Variants in RNPC3 observed in about 807,000 individuals in gnomAD.
RNPC3 encodes RNA binding region (RNP1, RRM) containing 3.
A neutral mutation model predicts 67.5 loss-of-function variants in RNPC3; 48 were observed. The observed-to-expected ratio is 0.71, with a 90% CI of 0.56 to 0.90. The LOEUF is 0.90. RNPC3 is among the 40% of genes least tolerant of loss of function. RNPC3 has a pLI of 0.00. For synonymous variants in RNPC3, 239 were observed against 210.3 expected (o/e 1.14, Z -1.18); for missense variants, 637 against 626.1 (o/e 1.02, Z -0.19).
chr1:103,532,608 T>C (rs750981730), intron 2 of RNPC3, among the ~76,000 whole-genome samples: 14 of 151,996 alleles, frequency 9.2e-5, no homozygotes, highest in Non-Finnish European at 1.5e-4. Context: ...GGACAAGAGC[T>C]CTGGAGCATT....
At chr1:103,541,525 T>C (rs1367245243) in intron 8 of RNPC3, 50 bp downstream of exon 8, 12 of 1,435,554 alleles carry the variant, frequency 8.4e-6, no homozygotes, top group Non-Finnish European at 1.1e-5. Flanking sequence ...GTACTTTGTT[T>C]ACTTGCTTAA....
At chr1:103,532,642 G>A (rs1421520153) in intron 2 of RNPC3, among the ~76,000 whole-genome samples, 1 of 152,034 alleles carries the variant, frequency 6.6e-6, no homozygotes, top group Non-Finnish European at 1.5e-5. Context: ...CGTGAGAGAA[G>A]GCACAAGTCA....
intron 7 of RNPC3, among the ~76,000 whole-genome samples, chr1:103,539,443 T>C (rs1320227264): frequency 6.6e-6 from 1 of 152,246 alleles, no homozygotes; most frequent in African/African-American, 2.4e-5. Flanking sequence ...AAACAGGCAG[T>C]GCCTGATAGA....
intron 7 of RNPC3, among the ~76,000 whole-genome samples, chr1:103,541,007 T>C (rs1234355280): frequency 1.3e-5 from 2 of 152,154 alleles, no homozygotes; most frequent in African/African-American, 2.4e-5. Context: ...ATTATATCGA[T>C]TTTATTATTG....
intron 9 of RNPC3, among the ~76,000 whole-genome samples, chr1:103,544,652 G>C (rs1367416521): frequency 6.6e-6 from 1 of 151,788 alleles, no homozygotes; most frequent in African/African-American, 2.4e-5. Context: ...TGGTGAGTGA[G>C]AATGTAGTGC....
chr1:103,527,683 A>T lies in RNPC3; in HGVS notation c.193-12A>T. ...TATATTGGAAGTAATTTGTACCTTA[A>T]CTCTGTTTCAGAAACATACAGCTTT... On this transcript the variant is annotated splice_polypyrimidine_tract_variant and intron_variant, in intron 1 of 14. Transcript: ENST00000423855. The T allele has an allele frequency of 6.5e-7, 1 of 1,542,992 alleles. No homozygotes were observed. The highest frequency in any genetic ancestry group is 8.8e-7 in the Non-Finnish European group (1 of 1,140,080).
At chr1:103,550,857 A>C in intron 12 of RNPC3, 84 bp from the exon 13 acceptor site, 1 of 1,387,148 alleles carries the variant, frequency 7.2e-7, no homozygotes, top group South Asian at 1.2e-5. Context: ...TTTATTTGAA[A>C]TAGCAAAATG....
chr1:103,536,467 T>C (rs1377826208), intron 6 of RNPC3, among the ~76,000 whole-genome samples: 2 of 151,972 alleles, frequency 1.3e-5, no homozygotes, highest in Non-Finnish European at 1.5e-5. Flanking sequence ...AAGGTAGTTA[T>C]ATTTAACTAA....
chr1:103,528,957 AG>A (rs1359179693), intron 2 of RNPC3, among the ~76,000 whole-genome samples: 2 of 152,222 alleles, frequency 1.3e-5, no homozygotes, highest in African/African-American at 4.8e-5. Flanking sequence ...CATCGGTAAA[AG>A]GAAGGGAAGC....
In RNPC3 at chr1:103,526,238, G is replaced by A; in HGVS notation, c.168G>A (p.Arg56=). ...AGTACTTCGGGGCTCAGTCTGTGCG[G>A]GTCCTGTCAGATAAGGGGCGACTGG... ...LLKYFGAQSV[R]VLSDKGRLKH... Residue 56 remains arginine (R), a synonymous_variant, in exon 1 of 15, where the codon CGG becomes CGA. Transcript: ENST00000423855. 4 of 1,549,590 alleles carry A rather than the reference G, an allele frequency of 2.6e-6. No individual in the cohort carries two copies. The South Asian group carries it at 3.6e-5, about 14-fold the overall frequency.
At chr1:103,527,032 A>T (rs1026245398) in intron 1 of RNPC3, among the ~76,000 whole-genome samples, 12 of 152,116 alleles carry the variant, frequency 7.9e-5, no homozygotes, top group Middle Eastern at 6.8e-3. Context: ...AAAAAAAAAA[A>T]TTATATATGG....
chr1:103,526,999 A>G (rs991406590), intron 1 of RNPC3, among the ~76,000 whole-genome samples: 1 of 151,470 alleles, frequency 6.6e-6, no homozygotes, highest in African/African-American at 2.4e-5. Context: ...ATCAGTTTAA[A>G]TGTCACTTAT....
chr1:103,553,952 G>T (rs934867012), intron 14 of RNPC3: 2 of 152,210 alleles, frequency 1.3e-5, no homozygotes, highest in Non-Finnish European at 2.9e-5. Context: ...AGGAAAAACA[G>T]TCTTGGCAGG....
chr1:103,529,695 A>G (rs1347200401), intron 2 of RNPC3, among the ~76,000 whole-genome samples: 1 of 152,228 alleles, frequency 6.6e-6, no homozygotes, highest in Non-Finnish European at 1.5e-5. Flanking sequence ...AGAGGTCTAA[A>G]GTTCATTTAG....
At chr1:103,546,046 G>C (rs903701194) in intron 10 of RNPC3, 3 of 268,190 alleles carry the variant, frequency 1.1e-5, no homozygotes, top group Non-Finnish European at 1.4e-5. Context: ...TACTAATTTT[G>C]TTACTAATTT....
chr1:103,553,190 C>A (rs888079994), intron 14 of RNPC3: 11 of 152,208 alleles, frequency 7.2e-5, no homozygotes, highest in Admixed American at 6.5e-5. Context: ...GGATTTCAGT[C>A]TGTATTTTTA....
At chr1:103,549,936 G>C in intron 12 of RNPC3, among the ~76,000 whole-genome samples, 1 of 152,086 alleles carries the variant, frequency 6.6e-6, no homozygotes. Context: ...GCCGAAGCGG[G>C]GGGGATCACT....
chr1:103,534,128 G>A (rs1392919914), intron 3 of RNPC3, among the ~76,000 whole-genome samples: 1 of 151,992 alleles, frequency 6.6e-6, no homozygotes, highest in African/African-American at 2.4e-5. Flanking sequence ...TCAATGGAGG[G>A]AAAATAACTA....
At chr1:103,553,607 C>T (rs1243519762) in intron 14 of RNPC3, 1 of 152,106 alleles carries the variant, frequency 6.6e-6, no homozygotes, top group African/African-American at 2.4e-5. Flanking sequence ...AGAATACAGT[C>T]TTGTTTCTTC....
Sources: gnomAD v4.1 joint callset for allele counts (sites outside exome capture counted in the v4.1 genomes callset) on GRCh38, gnomAD v4.1.1 for gene constraint, MANE v1.5 for transcripts, NCBI Gene and HGNC (gene_info 2026-07-23, HGNC 2026-07-21) for gene names.